Variants in RBM7 observed in about 807,000 individuals in gnomAD.
The protein encoded by RBM7 is RNA binding motif protein 7.
In RBM7, 13 loss-of-function variants were observed where a neutral mutation model predicts 31.0. That is an observed-to-expected ratio of 0.42 (90% CI 0.27 to 0.67). The LOEUF is 0.67. Among genes scored for constraint, RBM7 ranks in the 30% least tolerant of loss-of-function variants. The pLI is 0.24. For synonymous variants in RBM7, 106 were observed against 111.2 expected (o/e 0.95, Z 0.30); for missense variants, 245 against 326.2 (o/e 0.75, Z 1.92).
rs2135358344 is a variant in RBM7, at chr11:114,408,068, T to C, written c.*261T>C. 3.8e-6 allele frequency: 1 copy of C among 265,064 alleles called. No individual in the cohort carries two copies. The highest frequency in any genetic ancestry group is 7.1e-6 in the Non-Finnish European group (1 of 140,794). The allele number at this position is 265,064 out of a possible 1,614,324, so 16.4% of individuals were successfully genotyped here. A position where few individuals can be genotyped will look rare whatever the true frequency, so the allele number is the denominator to read the frequency against. ...CAATTCCTAATCATTTTAGACACTT[T>C]AGGAGGGGGTGAAGTTGTATGATAA... On this transcript the variant is annotated 3_prime_UTR_variant, in exon 5 of 5. Coordinates refer to ENST00000375490, the MANE Select transcript of RBM7 (RefSeq NM_001286045.2).
At chr11:114,407,323 T>G (rs1946277851) in intron 4 of RBM7, 122 bp from the exon 5 acceptor site, 6 of 939,806 alleles carry the variant, frequency 6.4e-6, no homozygotes, top group Non-Finnish European at 9.6e-6. Context: ...TTGTACTGCT[T>G]TAGTTGTGGA....
rs1204371626 is a variant in RBM7 at position 114,410,126 on chromosome 11, T to C, written c.*2319T>C. The C allele has an allele frequency of 2.0e-5, 3 of 152,260 alleles. No homozygotes were observed. Among genetic ancestry groups the C allele is most frequent in the East Asian group, 1.9e-4 (1 of 5,174 alleles). The allele number at this position is 152,260 out of a possible 1,614,324, so 9.4% of individuals were successfully genotyped here. A position where few individuals can be genotyped will look rare whatever the true frequency, so the allele number is the denominator to read the frequency against. ...TCAGATTTGGGATGCTTCATCTATA[T>C]TGACAGCTGCAAGAACAGAAAGGAA... is the stretch of plus-strand genomic sequence containing the variant. On this transcript the variant is annotated 3_prime_UTR_variant, in exon 5 of 5. Coordinates refer to ENST00000375490, the MANE Select transcript of RBM7 (RefSeq NM_001286045.2).
chr11:114,402,039 G>A (rs1946209285), intron 2 of RBM7, 179 bp downstream of exon 2: 1 of 575,118 alleles, frequency 1.7e-6, no homozygotes, highest in Non-Finnish European at 2.8e-6. Flanking sequence ...CATGGATTTT[G>A]AAATTAGAAT....
intron 1 of RBM7, 91 bp from the exon 2 acceptor site, chr11:114,401,607 T>C: frequency 9.2e-7 from 1 of 1,092,148 alleles, no homozygotes; most frequent in Non-Finnish European, 1.2e-6. Flanking sequence ...ACGTTTCTGT[T>C]GTTTTTAAAC....
rs1335128757 is a variant in RBM7, at chr11:114,408,383, G to A, written c.*576G>A. 6.6e-6 allele frequency: 1 copy of A among 152,562 alleles called. No homozygotes were observed. 9.5% of individuals were successfully genotyped at this position (152,562 alleles called of 1,614,324 possible). A position where few individuals can be genotyped will look rare whatever the true frequency, so the allele number is the denominator to read the frequency against. ...ATACATGTGTAGATTTACACATACT[G>A]TTTCATTCTAAAATTTAGAAATTGT... On this transcript the variant is annotated 3_prime_UTR_variant, in exon 5 of 5. Transcript: ENST00000375490.
In RBM7 at chr11:114,408,513, G is replaced by A. The variant is rs1194562754; in HGVS notation, c.*706G>A. On this transcript the variant is annotated 3_prime_UTR_variant, in exon 5 of 5. Transcript: ENST00000375490. The stretch of plus-strand genomic sequence containing the variant: ...GTGTTAGCATAAATCCCCTTTTCAG[G>A]AAGAACAAAAATGTCAGTGCATAGT... The A allele has an allele frequency of 6.6e-6, 1 of 152,634 alleles. No homozygotes were observed. Among genetic ancestry groups the A allele is most frequent in the Non-Finnish European group, 1.5e-5 (1 of 67,978 alleles). The allele number at this position is 152,634 out of a possible 1,614,324, so 9.5% of individuals were successfully genotyped here.
chr11:114,402,108 TA>T (rs1946210239), intron 2 of RBM7: 1 of 382,764 alleles, frequency 2.6e-6, no homozygotes, highest in Admixed American at 5.0e-5. Context: ...ACTGTATCAC[TA>T]AGAGAGCTGG....
rs1946283995 is a variant in RBM7 at position 114,407,633 on chromosome 11, A to C, written c.630A>C (p.Ala210=). 6.2e-7 allele frequency: 1 copy of C among 1,614,032 alleles called. No individual in the cohort carries two copies. Among genetic ancestry groups the C allele is most frequent in the Admixed American group, 1.7e-5 (1 of 60,006 alleles). Residue 210 remains alanine (A), a synonymous_variant, in exon 5 of 5, where the codon GCA becomes GCC. Transcript: ENST00000375490. ...KVRMNSYPYL[A]DRHYSREQRY... ...GAATGAATTCTTATCCCTACCTAGC[A>C]GATAGACATTATAGCCGGGAACAGC...
At chr11:114,405,953 A>T in intron 4 of RBM7, 154 bp downstream of exon 4, 1 of 527,480 alleles carries the variant, frequency 1.9e-6, no homozygotes. Flanking sequence ...TTTTTAGATA[A>T]CTTTTTCTCA....
In RBM7 at chr11:114,401,695, TAGGC is replaced by T; in HGVS notation, c.97-2_98del. Reference sequence around the variant, plus strand: ...TAAATTCTAAACACCTTTTTGTTTGTAGGCTGGGCCAGTAATAAAGGTGAAAATT... The same window carrying T: ...TAAATTCTAAACACCTTTTTGTTTGTTGGGCCAGTAATAAAGGTGAAAATT... On this transcript the variant is annotated splice_acceptor_variant and coding_sequence_variant, in exon 2 of 5. Coordinates refer to ENST00000375490, the MANE Select transcript of RBM7 (RefSeq NM_001286045.2). LOFTEE classifies it high-confidence loss of function. The T allele has an allele frequency of 6.7e-7, 1 of 1,497,756 alleles. No individual in the cohort carries two copies. Among genetic ancestry groups the T allele is most frequent in the Admixed American group, 2.7e-5 (1 of 36,804 alleles). 92.8% of individuals were successfully genotyped at this position (1,497,756 alleles called of 1,614,324 possible). A position where few individuals can be genotyped will look rare whatever the true frequency, so the allele number is the denominator to read the frequency against.
intron 4 of RBM7, 161 bp from the exon 5 acceptor site, chr11:114,407,284 G>A (rs1010058562): frequency 6.3e-6 from 4 of 635,240 alleles, no homozygotes; most frequent in African/African-American, 5.5e-5. Flanking sequence ...TATGTATCTT[G>A]TAGGTATACA....
intron 3 of RBM7, among the ~76,000 whole-genome samples, chr11:114,404,018 T>A (rs969374161): frequency 6.6e-6 from 1 of 152,138 alleles, no homozygotes; most frequent in African/African-American, 2.4e-5. Flanking sequence ...TCATAATGAA[T>A]GAAAATGGAG....
rs200274481 is a variant in RBM7 at position 114,407,595 on chromosome 11, C to G, written c.592C>G (p.Gln198Glu). Residue 198 changes from glutamine to glutamate, a missense_variant, in exon 5 of 5, where the codon CAG becomes GAG. Coordinates refer to ENST00000375490, the MANE Select transcript of RBM7 (RefSeq NM_001286045.2). The part of the protein sequence containing the change: ...SQWRQGTPSS[Q>E]RKVRMNSYPY... ...GTGGCGCCAAGGTACACCATCATCA[C>G]AGCGTAAAGTCAGAATGAATTCTTA... 61 of 1,614,160 alleles carry G rather than the reference C, an allele frequency of 3.8e-5. No homozygotes were observed. In the African/African-American group the frequency reaches 4.1e-4, roughly 11 times the overall value.
At chr11:114,401,603 C>G in intron 1 of RBM7, 95 bp from the exon 2 acceptor site, 1 of 1,047,818 alleles carries the variant, frequency 9.5e-7, no homozygotes, top group Non-Finnish European at 1.3e-6. Flanking sequence ...GATTACGTTT[C>G]TGTTGTTTTT....
At chr11:114,405,305 A>ACATGGTGTGGCTAT (rs1238747574) in intron 3 of RBM7, among the ~76,000 whole-genome samples, 17 of 152,352 alleles carry the variant, frequency 1.1e-4, no homozygotes, top group Admixed American at 8.5e-4. Flanking sequence ...GCTATGTTCC[A>ACATGGTGTGGCTAT]GTAACACTTT....
chr11:114,405,325 A>G (rs1946253389), intron 3 of RBM7, among the ~76,000 whole-genome samples: 1 of 152,206 alleles, frequency 6.6e-6, no homozygotes, highest in African/African-American at 2.4e-5. Context: ...TGTTTAGGGA[A>G]AACTGAATTT....
chr11:114,405,896 G>T, intron 4 of RBM7, 97 bp downstream of exon 4: 1 of 871,344 alleles, frequency 1.1e-6, no homozygotes, highest in South Asian at 1.9e-5. Context: ...AATTAACTTT[G>T]TTAAGTTGGA....
chr11:114,407,549 C>G lies in RBM7; in HGVS notation c.546C>G (p.Phe182Leu). 3 of 1,614,176 alleles carry G rather than the reference C, an allele frequency of 1.9e-6. No individual in the cohort carries two copies. The South Asian group carries it at 3.3e-5, about 18-fold the overall frequency. The change falls in exon 5 of 5, where the codon TTC becomes TTG. Residue 182 changes from phenylalanine (F) to leucine (L), a missense_variant. Physicochemically the swap from Phe to Leu is conservative, Grantham distance 22. Transcript: ENST00000375490. ...CAGTTCAATCACACAGTCATAGTTT[C>G]AATCAGTCTTCAAGCTCCCAGTGGC... ...SPSVQSHSHS[F>L]NQSSSSQWRQ...
intron 4 of RBM7, 188 bp from the exon 5 acceptor site, chr11:114,407,257 T>G: frequency 1.9e-6 from 1 of 516,906 alleles, no homozygotes; most frequent in Non-Finnish European, 3.3e-6. Flanking sequence ...GGACAAAGAG[T>G]AGTATTTATG....
Sources: gnomAD v4.1 joint callset for allele counts (sites outside exome capture counted in the v4.1 genomes callset) on GRCh38, gnomAD v4.1.1 for gene constraint, MANE v1.5 for transcripts, NCBI Gene and HGNC (gene_info 2026-07-23, HGNC 2026-07-21) for gene names.